DOC2B: variants seen among roughly 807,000 people sequenced by gnomAD.
The protein encoded by DOC2B is double C2-like domain-containing protein beta.
A neutral mutation model predicts 28.9 loss-of-function variants in DOC2B; 21 were observed. The observed-to-expected ratio is 0.73, with a 90% confidence interval of 0.52 to 1.05. DOC2B has a LOEUF of 1.05. Ranked by LOEUF, DOC2B falls within the 50% of genes least tolerant of loss-of-function variation. DOC2B has a pLI of 0.00. For synonymous variants in DOC2B, 194 were observed against 178.1 expected, an observed-to-expected ratio of 1.09 and a Z score of -0.71; for missense variants, 384 against 421.1, an observed-to-expected ratio of 0.91 and a Z score of 0.77.
chr17:154,905 T>G (rs1402813705), intron 6 of DOC2B, among the ~76,000 whole-genome samples: 1 of 152,144 alleles, frequency 6.6e-6, no homozygotes. Flanking sequence ...AATTTTTTTA[T>G]TTTTAGTAGA....
At chr17:153,358 C>G (rs1391548859) in intron 6 of DOC2B, among the ~76,000 whole-genome samples, 1 of 152,206 alleles carries the variant, frequency 6.6e-6, no homozygotes, top group African/African-American at 2.4e-5. Context: ...CAGCAGGTGA[C>G]CCTGGAATTC....
chr17:154,330 G>A (rs942101869), intron 6 of DOC2B, among the ~76,000 whole-genome samples: 3 of 137,386 alleles, frequency 2.2e-5, no homozygotes, highest in Non-Finnish European at 3.2e-5. Context: ...GATATTCCAC[G>A]CACCTGCTAC....
At chr17:180,172 T>C (rs2040422278) in intron 1 of DOC2B, among the ~76,000 whole-genome samples, 1 of 152,182 alleles carries the variant, frequency 6.6e-6, no homozygotes, top group Admixed American at 6.5e-5. Context: ...ACAGCTGAGC[T>C]AGGAGGGGGT....
Position 143,331 on chromosome 17 carries a change from A to AT in DOC2B, c.*4109dup, listed in dbSNP as rs1175570091. On this transcript the variant is annotated 3_prime_UTR_variant, in exon 9 of 9. Coordinates refer to ENST00000613549, the MANE Select transcript of DOC2B (RefSeq NM_003585.5). ...CCACCCTCCCCTCCTACCCTTCCAA[A>AT]TCTTTTTTTTTTTTTTTTGACAAGG... The AT allele has an allele frequency of 6.1e-4, 26 of 42,306 alleles. No homozygotes were observed. Among genetic ancestry groups the AT allele is most frequent in the African/African-American group, 2.6e-3 (22 of 8,586 alleles). 2.6% of individuals were successfully genotyped at this position (42,306 alleles called of 1,614,324 possible).
At chr17:170,783 G>C (rs1168999283) in intron 2 of DOC2B, among the ~76,000 whole-genome samples, 143 of 137,698 alleles carry the variant, frequency 1.0e-3, no homozygotes, top group East Asian at 3.5e-3. Flanking sequence ...CTGCAGAGGG[G>C]AGCACCAGGG....
rs144982616 is a variant in DOC2B at position 181,021 on chromosome 17, G to C, written c.373+86C>G. 5.6e-3 allele frequency: 6,242 copies of C among 1,111,624 alleles called. 269 individuals are homozygous for C. The African/African-American group carries it at 0.092, about 16-fold the overall frequency. The allele number at this position is 1,111,624 out of a possible 1,614,324, so 68.9% of individuals were successfully genotyped here. A position where few individuals can be genotyped will look rare whatever the true frequency, so the allele number is the denominator to read the frequency against. ...AGGCAGAGCGCGAGCGCGCGAGGGG[G>C]ACCGGCGGAGGGAAGCCGCGAGGCC... On this transcript the variant is annotated intron_variant, in intron 1 of 8. Transcript: ENST00000613549. This position sits in a 1 kb window ranked among gnomAD's most constrained non-coding sequence, Gnocchi z 7.0.
At chr17:150,796 A>G (rs576742776) in intron 6 of DOC2B, among the ~76,000 whole-genome samples, 1 of 152,348 alleles carries the variant, frequency 6.6e-6, no homozygotes, top group East Asian at 1.9e-4. Flanking sequence ...GAACTCATCA[A>G]CAACAAACTT....
intron 1 of DOC2B, among the ~76,000 whole-genome samples, chr17:177,509 T>G (rs1196970491): frequency 6.6e-6 from 1 of 152,224 alleles, no homozygotes; most frequent in African/African-American, 2.4e-5. Context: ...TTTCCCTCTG[T>G]CAGCCCACCT....
chr17:175,214 C>T (rs1401694651), intron 1 of DOC2B, among the ~76,000 whole-genome samples: 6 of 152,298 alleles, frequency 3.9e-5, no homozygotes, highest in Admixed American at 6.5e-5. Flanking sequence ...CCAACCTAGG[C>T]GACAGAGCGA....
chr17:158,045 C>T (rs1269798520), intron 5 of DOC2B, among the ~76,000 whole-genome samples: 1 of 152,186 alleles, frequency 6.6e-6, no homozygotes, highest in Non-Finnish European at 1.5e-5. Context: ...AGTTCTGGTA[C>T]ATTCCTCACC....
Position 181,461 on chromosome 17 carries a change from C to G in DOC2B, c.19G>C (p.Gly7Arg). MTLRRRGEKATISIQEH... is the reference protein window; with the variant it reads MTLRRRREKATISIQEH... ...TGGATGCTGATGGTCGCCTTCTCCC[C>G]GCGCCGCCGGAGGGTCATGCAGGCA... is the stretch of plus-strand genomic sequence containing the variant. The change falls in exon 1 of 9, where the codon GGG (glycine) becomes CGG (arginine). Residue 7 changes from glycine (G) to arginine (R), a missense_variant. Physicochemically the swap from Gly to Arg is moderately radical, Grantham distance 125. Coordinates refer to ENST00000613549, the MANE Select transcript of DOC2B (RefSeq NM_003585.5). This position sits in a 1 kb window ranked among gnomAD's most constrained non-coding sequence, Gnocchi z 7.0. The G allele has an allele frequency of 8.9e-7, 1 of 1,126,570 alleles. No individual in the cohort carries two copies. Among genetic ancestry groups the G allele is most frequent in the Non-Finnish European group, 1.1e-6 (1 of 910,118 alleles). 69.8% of individuals were successfully genotyped at this position (1,126,570 alleles called of 1,614,324 possible).
At chr17:159,727 A>G (rs1555522989) in intron 5 of DOC2B, among the ~76,000 whole-genome samples, 3 of 152,042 alleles carry the variant, frequency 2.0e-5, no homozygotes, top group Non-Finnish European at 4.4e-5. Flanking sequence ...AACGGCACCA[A>G]TGGGCCGGTA....
chr17:159,020 G>A (rs906956713), intron 5 of DOC2B, among the ~76,000 whole-genome samples: 2 of 148,198 alleles, frequency 1.3e-5, no homozygotes, highest in Non-Finnish European at 3.0e-5. Flanking sequence ...CTCCAGCCTG[G>A]GCGACATAGA....
In DOC2B at chr17:164,207, G is replaced by A. The variant is rs1205934289; in HGVS notation, c.454-3C>T. The stretch of plus-strand genomic sequence containing the variant: ...TTGTGGTCCATTGGCTTCAGGCCCT[G>A]GGCAGAGAAGAGCAAACGGTGTGAA... On this transcript the variant is annotated splice_polypyrimidine_tract_variant and splice_region_variant and intron_variant, in intron 2 of 8. Coordinates refer to ENST00000613549, the MANE Select transcript of DOC2B (RefSeq NM_003585.5). 8 of 1,550,334 alleles carry A rather than the reference G, an allele frequency of 5.2e-6. No individual in the cohort carries two copies. The highest frequency in any genetic ancestry group is 1.7e-4 in the Middle Eastern group (1 of 6,004).
chr17:165,599 C>G, intron 2 of DOC2B, among the ~76,000 whole-genome samples: 1 of 152,100 alleles, frequency 6.6e-6, no homozygotes. Flanking sequence ...GGTTTGCTCC[C>G]TTCCCTGCAC....
At chr17:155,748 A>C (rs2040127044) in intron 6 of DOC2B, among the ~76,000 whole-genome samples, 1 of 152,118 alleles carries the variant, frequency 6.6e-6, no homozygotes, top group Non-Finnish European at 1.5e-5. Context: ...CCCCAGGCCC[A>C]CCATCAGCCC....
intron 6 of DOC2B, among the ~76,000 whole-genome samples, chr17:153,325 A>C (rs2040093354): frequency 6.6e-6 from 1 of 152,218 alleles, no homozygotes; most frequent in South Asian, 2.1e-4. Context: ...CACAGCAGGT[A>C]AGACTCTGCT....
chr17:153,012 C>A (rs532922553), intron 6 of DOC2B, among the ~76,000 whole-genome samples: 2 of 152,230 alleles, frequency 1.3e-5, no homozygotes, highest in South Asian at 2.1e-4. Context: ...CATGAAGGGG[C>A]CTTTCAGAGA....
intron 1 of DOC2B, among the ~76,000 whole-genome samples, chr17:180,540 G>C (rs551329017): frequency 6.6e-6 from 1 of 152,124 alleles, no homozygotes; most frequent in South Asian, 2.1e-4. Flanking sequence ...GCGGCCCCGC[G>C]GTCCTCCTGG....
Sources: allele counts gnomAD v4.1 joint callset (sites outside exome capture counted in the v4.1 genomes callset), GRCh38; gene constraint gnomAD v4.1.1; non-coding constraint Gnocchi (gnomAD v3.1); transcripts MANE v1.5; gene names NCBI Gene and HGNC (gene_info 2026-07-23, HGNC 2026-07-21).